The following ABCA13 variants were observed in gnomAD, a reference collection of about 807,000 sequenced individuals.
The protein encoded by ABCA13 is ATP-binding cassette sub-family A member 13.
In ABCA13, 476 loss-of-function variants were observed where a neutral mutation model predicts 478.7. That is an observed-to-expected ratio of 0.99 (90% confidence interval 0.92 to 1.07). ABCA13 has a LOEUF of 1.07. Among genes scored for constraint, ABCA13 ranks in the 50% least tolerant of loss-of-function variants. The pLI is 0.00. For synonymous variants in ABCA13, 2,252 were observed against 2,158.9 expected, an observed-to-expected ratio of 1.04 and a Z score of -1.20; for missense variants, 6,060 against 5,910.6, an observed-to-expected ratio of 1.03 and a Z score of -0.83.
intron 48 of ABCA13, among the ~76,000 whole-genome samples, chr7:48,495,343 A>G (rs1830182234): frequency 6.6e-6 from 1 of 151,950 alleles, no homozygotes; most frequent in Non-Finnish European, 1.5e-5. Context: ...AGTTTTTGAG[A>G]TTTTCCTGTG....
chr7:48,225,329 G>A (rs1788056924), intron 5 of ABCA13, among the ~76,000 whole-genome samples: 1 of 143,218 alleles, frequency 7.0e-6, no homozygotes, highest in Non-Finnish European at 1.5e-5. Context: ...TTTTTCAATC[G>A]ATGGTTTATT....
intron 35 of ABCA13, among the ~76,000 whole-genome samples, chr7:48,381,350 C>G (rs567265367): frequency 2.0e-5 from 3 of 151,664 alleles, no homozygotes; most frequent in South Asian, 2.1e-4. Flanking sequence ...CTCTTTTGCT[C>G]TCTGTCACAC....
intron 15 of ABCA13, among the ~76,000 whole-genome samples, chr7:48,252,240 C>G (rs905047822): frequency 6.6e-6 from 1 of 151,788 alleles, no homozygotes. Context: ...TTCACATGGC[C>G]CATCTTTAAG....
chr7:48,564,884 G>A (rs1048320392), intron 55 of ABCA13, among the ~76,000 whole-genome samples: 23 of 151,972 alleles, frequency 1.5e-4, no homozygotes, highest in Admixed American at 4.6e-4. Context: ...TTTACTATCC[G>A]GAATCTGTAA....
At chr7:48,235,253 G>A (rs1244394507) in intron 8 of ABCA13, among the ~76,000 whole-genome samples, 1 of 152,150 alleles carries the variant, frequency 6.6e-6, no homozygotes, top group Non-Finnish European at 1.5e-5. Context: ...ACTTGAAATT[G>A]TGACCCTTGG....
intron 48 of ABCA13, among the ~76,000 whole-genome samples, chr7:48,499,494 T>C (rs973426770): frequency 2.6e-5 from 4 of 152,202 alleles, no homozygotes; most frequent in South Asian, 2.1e-4. Context: ...TAATGGATAT[T>C]GGACAAAAGC....
chr7:48,501,150 T>C (rs544398993), intron 48 of ABCA13, among the ~76,000 whole-genome samples: 34 of 152,232 alleles, frequency 2.2e-4, no homozygotes, highest in Non-Finnish European at 3.4e-4. Flanking sequence ...TAAAAGCTGG[T>C]GGTCAATGTC....
chr7:48,452,845 C>G (rs1423395467), intron 42 of ABCA13, among the ~76,000 whole-genome samples: 3 of 152,154 alleles, frequency 2.0e-5, no homozygotes, highest in Non-Finnish European at 4.4e-5. Context: ...TTTTAGAAAT[C>G]CAGGGATGGG....
intron 1 of ABCA13, among the ~76,000 whole-genome samples, chr7:48,190,977 T>C (rs894563229): frequency 6.6e-6 from 1 of 152,208 alleles, no homozygotes; most frequent in Non-Finnish European, 1.5e-5. Flanking sequence ...AAAATAGCTA[T>C]TGTATGTTAT....
chr7:48,236,651 A>C (rs1789995548), intron 8 of ABCA13, among the ~76,000 whole-genome samples: 1 of 152,234 alleles, frequency 6.6e-6, no homozygotes. Context: ...CCTTTCTCCA[A>C]TAAAAACCCT....
chr7:48,352,096 C>T (rs900185526), intron 30 of ABCA13, 85 bp from the exon 31 acceptor site: 2 of 1,382,012 alleles, frequency 1.4e-6, no homozygotes, highest in African/African-American at 1.5e-5. Context: ...GCTCCTGCAA[C>T]TTTTCCTGTC....
chr7:48,548,732 C>G (rs1306531303), intron 55 of ABCA13, among the ~76,000 whole-genome samples: 1 of 151,758 alleles, frequency 6.6e-6, no homozygotes, highest in Non-Finnish European at 1.5e-5. Flanking sequence ...TCCCTTTCAG[C>G]TGCTCTCGTT....
intron 59 of ABCA13, among the ~76,000 whole-genome samples, chr7:48,619,625 G>T (rs1792936135): frequency 1.3e-5 from 2 of 152,180 alleles, no homozygotes; most frequent in Non-Finnish European, 2.9e-5. Flanking sequence ...ACATCACAAG[G>T]CCTAACAGGG....
chr7:48,477,173 C>A (rs1343748824), intron 45 of ABCA13, among the ~76,000 whole-genome samples: 22 of 152,168 alleles, frequency 1.4e-4, no homozygotes, highest in Non-Finnish European at 2.9e-5. Flanking sequence ...TTGGGGACAC[C>A]TACACGGATA....
chr7:48,520,726 C>T lies in ABCA13; in HGVS notation c.14051+432C>T, dbSNP rs957710245. Among the ~76,000 whole-genome samples the T allele has an allele frequency of 6.6e-5, 10 of 152,150 alleles. 1 individual carries two copies. Among genetic ancestry groups the T allele is most frequent in the Non-Finnish European group, 8.8e-5 (6 of 68,036 alleles). On this transcript the variant is annotated intron_variant, in intron 53 of 61. Transcript: ENST00000435803. ...TCTCCAACCACCCCACAACAGGCCC[C>T]GGTGTGTGATGTTCCCCTTCCTGTG... is the stretch of plus-strand genomic sequence containing the variant.
intron 42 of ABCA13, among the ~76,000 whole-genome samples, chr7:48,436,401 C>A (rs893525774): frequency 6.6e-6 from 1 of 151,558 alleles, no homozygotes; most frequent in Non-Finnish European, 1.5e-5. Context: ...TTTGAACCTT[C>A]TTTCTTTTTT....
chr7:48,264,477 C>T (rs62449188), intron 15 of ABCA13, among the ~76,000 whole-genome samples: 21,256 of 151,586 alleles, frequency 0.14, 1,536 homozygotes, highest in Middle Eastern at 0.19. Flanking sequence ...TTAGTCATTC[C>T]AATAGATGTG....
At chr7:48,374,669 G>A (rs1287707008) in intron 34 of ABCA13, among the ~76,000 whole-genome samples, 9 of 152,144 alleles carry the variant, frequency 5.9e-5, no homozygotes, top group African/African-American at 2.2e-4. Context: ...CAATGCTTGG[G>A]TCTTCCTTAT....
Position 48,610,722 on chromosome 7 carries a change from G to A in ABCA13, c.14745-4563G>A, listed in dbSNP as rs143558531. 7.2e-5 allele frequency among the ~76,000 whole-genome samples: 11 copies of A among 152,312 alleles called. No individual in the cohort carries two copies. The East Asian group carries it at 1.4e-3, about 19-fold the overall frequency. ...CTCAACTCTTGCCCTCTGTGCATCC[G>A]CAGGCTTACTGCCATGTGGAAGCCA... On this transcript the variant is annotated intron_variant, in intron 58 of 61. Transcript: ENST00000435803.
Sources: allele counts gnomAD v4.1 joint callset (sites outside exome capture counted in the v4.1 genomes callset), GRCh38; gene constraint gnomAD v4.1.1; transcripts MANE v1.5; gene names NCBI Gene and HGNC (gene_info 2026-07-23, HGNC 2026-07-21).